MTNR1B: variants seen among roughly 807,000 people sequenced by gnomAD.
The protein encoded by MTNR1B is melatonin receptor type 1B.
A neutral mutation model predicts 7.0 loss-of-function variants in MTNR1B; 7 were observed. The observed-to-expected ratio is 1.00, with a 90% confidence interval of 0.57 to 1.88. The LOEUF (loss-of-function observed/expected upper bound fraction) is 1.88. Among genes scored for constraint, MTNR1B ranks in the 40% most tolerant of loss-of-function variants. The pLI is 0.00. For missense variants in MTNR1B, 478 were observed against 486.5 expected (o/e 0.98, Z 0.16); for synonymous variants, 226 against 208.2 (o/e 1.09, Z -0.74).
In MTNR1B at chr11:92,982,160, CA is replaced by C; in HGVS notation, c.941del (p.Asn314ThrfsTer63). 1 of 1,614,192 alleles carries C rather than the reference CA, an allele frequency of 6.2e-7. No individual in the cohort carries two copies. The highest frequency in any genetic ancestry group is 1.1e-5 in the South Asian group (1 of 91,076). The part of the protein sequence containing the change: ...LNAIVYGLLN[Q>X]NFRREYKRIL... ...TGCCATTGTCTATGGGCTCTTGAAC[CA>C]AAACTTCCGCAGGGAATACAAGAGG... On this transcript the variant is annotated frameshift_variant, in exon 2 of 2. Coordinates refer to ENST00000257068, the MANE Select transcript of MTNR1B (RefSeq NM_005959.5). LOFTEE classifies it low-confidence loss of function (END_TRUNC).
At chr11:92,971,475 T>C (rs1266061585) in intron 1 of MTNR1B, among the ~76,000 whole-genome samples, 1 of 152,232 alleles carries the variant, frequency 6.6e-6, no homozygotes, top group East Asian at 1.9e-4. Flanking sequence ...ATTAGAAAAC[T>C]GCATTTAATA....
At chr11:92,973,873 G>A (rs773110127) in intron 1 of MTNR1B, among the ~76,000 whole-genome samples, 1 of 152,204 alleles carries the variant, frequency 6.6e-6, no homozygotes, top group Non-Finnish European at 1.5e-5. Context: ...ACCAGGTAGT[G>A]GGGGAAAATT....
Position 92,982,741 on chromosome 11 carries a change from T to G in MTNR1B, c.*429T>G. On this transcript the variant is annotated 3_prime_UTR_variant, in exon 2 of 2. Transcript: ENST00000257068. ...AGAGAGAGGTCAGTAGGACTGGAAC[T>G]TGGTAACTGCAAGGGCCTCAGGTGG... is the stretch of plus-strand genomic sequence containing the variant. 4.8e-6 allele frequency: 1 copy of G among 207,340 alleles called. No homozygotes were observed. Among genetic ancestry groups the G allele is most frequent in the Non-Finnish European group, 9.7e-6 (1 of 102,918 alleles). 12.8% of individuals were successfully genotyped at this position (207,340 alleles called of 1,614,324 possible). A position where few individuals can be genotyped will look rare whatever the true frequency, so the allele number is the denominator to read the frequency against.
chr11:92,979,976 G>C (rs1858071080), intron 1 of MTNR1B, among the ~76,000 whole-genome samples: 1 of 152,138 alleles, frequency 6.6e-6, no homozygotes, highest in Non-Finnish European at 1.5e-5. Context: ...ATCCCAGCTG[G>C]GCGGCTCTCA....
intron 1 of MTNR1B, among the ~76,000 whole-genome samples, chr11:92,980,725 G>A (rs1283999766): frequency 6.6e-6 from 1 of 152,190 alleles, no homozygotes; most frequent in Admixed American, 6.5e-5. Context: ...GAGCTTAGGA[G>A]TGCTGACAGC....
At chr11:92,982,944 C>G (rs112274592), downstream of MTNR1B, among the ~76,000 whole-genome samples, 1 of 94,248 alleles carries the variant, frequency 1.1e-5, no homozygotes, top group Non-Finnish European at 2.3e-5. Context: ...GCACCCCCCC[C>G]CCCCACACAC....
chr11:92,969,769 G>A lies in MTNR1B; in HGVS notation c.44G>A (p.Gly15Glu), dbSNP rs370121111. Reference protein sequence around the residue: ...GSFANCCEAGGWAVRPGWSGA... With the variant: ...GSFANCCEAGEWAVRPGWSGA... ...TTCGCCAACTGCTGCGAGGCGGGCG[G>A]GTGGGCAGTGCGCCCGGGCTGGTCG... The change falls in exon 1 of 2, where the codon GGG becomes GAG. Residue 15 changes from glycine (G) to glutamate (E), a missense_variant. Transcript: ENST00000257068. The A allele has an allele frequency of 3.9e-6, 6 of 1,525,520 alleles. No homozygotes were observed. Among genetic ancestry groups the A allele is most frequent in the Admixed American group, 1.9e-5 (1 of 52,396 alleles). The allele number at this position is 1,525,520 out of a possible 1,614,324, so 94.5% of individuals were successfully genotyped here.
chr11:92,971,496 A>G (rs966594291), intron 1 of MTNR1B, among the ~76,000 whole-genome samples: 5 of 152,200 alleles, frequency 3.3e-5, no homozygotes, highest in African/African-American at 9.7e-5. Flanking sequence ...TTTTTGACAC[A>G]TTGTCCCTTG....
intron 1 of MTNR1B, among the ~76,000 whole-genome samples, chr11:92,975,480 T>A (rs1372490343): frequency 6.6e-6 from 1 of 152,216 alleles, no homozygotes; most frequent in African/African-American, 2.4e-5. Context: ...AAGGTCACTC[T>A]GTCTATGCTG....
intron 1 of MTNR1B, chr11:92,972,327 C>T: frequency 2.3e-6 from 1 of 443,570 alleles, no homozygotes; most frequent in Non-Finnish European, 4.6e-6. Context: ...CAGCATGTTT[C>T]CCAGGAGACA....
rs866320319 is a variant in MTNR1B, at chr11:92,975,101, G to A, written c.223+5153G>A. Among the ~76,000 whole-genome samples the A allele has an allele frequency of 5.8e-4, 89 of 152,318 alleles. 1 individual carries two copies. The highest frequency in any genetic ancestry group is 1.9e-3 in the African/African-American group (79 of 41,578). ...TACAGCCCCTTTCTTGGTCTGGCCC[G>A]AGGTGGCCACTTTTAAGCTGCCTGT... On this transcript the variant is annotated intron_variant, in intron 1 of 1. Transcript: ENST00000257068.
chr11:92,969,979 C>A, intron 1 of MTNR1B, 31 bp downstream of exon 1: 2 of 1,571,686 alleles, frequency 1.3e-6, no homozygotes, highest in Admixed American at 1.8e-5. Flanking sequence ...TGGGTGCTGG[C>A]ATCGGGCCCT....
intron 1 of MTNR1B, among the ~76,000 whole-genome samples, chr11:92,974,395 G>T (rs959274327): frequency 1.3e-5 from 2 of 152,152 alleles, no homozygotes; most frequent in African/African-American, 4.8e-5. Flanking sequence ...GGCTTCCCCA[G>T]CCATGTAGAA....
intron 1 of MTNR1B, among the ~76,000 whole-genome samples, chr11:92,979,704 G>C (rs868107401): frequency 6.0e-4 from 92 of 152,106 alleles, no homozygotes; most frequent in African/African-American, 2.2e-3. Flanking sequence ...TTATAGTTAG[G>C]TCTTGAGAAC....
chr11:92,982,328 C>G lies in MTNR1B; in HGVS notation c.*16C>G. 6.3e-7 allele frequency: 1 copy of G among 1,597,348 alleles called. No individual in the cohort carries two copies. The highest frequency in any genetic ancestry group is 1.1e-5 in the South Asian group (1 of 88,400). On this transcript the variant is annotated 3_prime_UTR_variant, in exon 2 of 2. Transcript: ENST00000257068. ...TGCTCTCTAGCCTGGATCTGAGGCA[C>G]ACCAGCAGCATGACAAACTCATGAA...
intron 1 of MTNR1B, among the ~76,000 whole-genome samples, chr11:92,973,523 A>C (rs1156391466): frequency 6.6e-6 from 1 of 152,126 alleles, no homozygotes; most frequent in Non-Finnish European, 1.5e-5. Context: ...AGCTGCTGCT[A>C]CTTCCCAAAG....
At chr11:92,976,178 C>T (rs16918340) in intron 1 of MTNR1B, among the ~76,000 whole-genome samples, 8 of 152,166 alleles carry the variant, frequency 5.3e-5, no homozygotes, top group Non-Finnish European at 1.0e-4. Context: ...ATTCTGCATT[C>T]GGATATGATA....
chr11:92,976,667 G>C (rs1325069281), intron 1 of MTNR1B, among the ~76,000 whole-genome samples: 1 of 152,202 alleles, frequency 6.6e-6, no homozygotes, highest in Non-Finnish European at 1.5e-5. Context: ...ATTTGTTCTT[G>C]TTAATGTCAC....
In MTNR1B at chr11:92,982,401, G is replaced by A. The variant is rs2136519979; in HGVS notation, c.*89G>A. The A allele has an allele frequency of 1.4e-6, 2 of 1,449,182 alleles. No homozygotes were observed. The highest frequency in any genetic ancestry group is 1.4e-5 in the African/African-American group (1 of 70,472). The allele number at this position is 1,449,182 out of a possible 1,614,324, so 89.8% of individuals were successfully genotyped here. A position where few individuals can be genotyped will look rare whatever the true frequency, so the allele number is the denominator to read the frequency against. ...AAGGGTGAGACCAGGCAGCCTGCTG[G>A]GCCACACTGTCCTGTTGGCATCACA... is the stretch of plus-strand genomic sequence containing the variant. On this transcript the variant is annotated 3_prime_UTR_variant, in exon 2 of 2. Transcript: ENST00000257068.
Sources: gnomAD v4.1 joint callset for allele counts (sites outside exome capture counted in the v4.1 genomes callset) on GRCh38, gnomAD v4.1.1 for gene constraint, MANE v1.5 for transcripts, NCBI Gene and HGNC (gene_info 2026-07-23, HGNC 2026-07-21) for gene names.